L2HGDH: variants seen among roughly 807,000 people sequenced by gnomAD.
L2HGDH encodes L-2-hydroxyglutarate dehydrogenase, mitochondrial.
In L2HGDH, 34 loss-of-function variants were observed where a neutral mutation model predicts 51.5. That is an observed-to-expected ratio of 0.66 (90% CI 0.50 to 0.88). L2HGDH has a LOEUF of 0.88. L2HGDH is among the 40% of genes least tolerant of loss of function. The probability of loss-of-function intolerance (pLI) is 0.00; values close to 1 mark genes in which losing one functional copy is unlikely to be tolerated. For missense variants in L2HGDH, 558 were observed against 571.9 expected (o/e 0.98, Z 0.25); for synonymous variants, 198 against 197.9 (o/e 1.00, Z -0.01).
intron 5 of L2HGDH, among the ~76,000 whole-genome samples, chr14:50,280,702 T>C (rs866166052): frequency 4.6e-5 from 7 of 152,124 alleles, no homozygotes; most frequent in South Asian, 4.1e-4. Context: ...TTAGTAAAGA[T>C]GGGGTCTCGC....
rs2139976523 is a variant in L2HGDH at position 50,267,620 on chromosome 14, G to A, written c.1064+133C>T. 5 of 701,126 alleles carry A rather than the reference G, an allele frequency of 7.1e-6. No homozygotes were observed. In the South Asian group the frequency reaches 7.4e-5, roughly 10 times the overall value. The allele number at this position is 701,126 out of a possible 1,614,324, so 43.4% of individuals were successfully genotyped here. On this transcript the variant is annotated intron_variant, in intron 8 of 9. Transcript: ENST00000267436. ...CATCCACTCCAAAGCTTTTAATTTG[G>A]ATTAATACAACATTCAATATACCAA... is the stretch of plus-strand genomic sequence containing the variant.
chr14:50,268,663 G>A (rs1367969414), intron 7 of L2HGDH, among the ~76,000 whole-genome samples: 2 of 152,182 alleles, frequency 1.3e-5, no homozygotes, highest in Non-Finnish European at 2.9e-5. Context: ...GCCGAATACT[G>A]ACTATTTCAT....
At position 50,246,176 on chromosome 14, in the gene L2HGDH, C is replaced by T. The variant is rs1887985899; in HGVS notation, c.*882G>A. The T allele has an allele frequency of 6.6e-6, 1 of 150,990 alleles. No individual in the cohort carries two copies. Among genetic ancestry groups the T allele is most frequent in the African/African-American group, 2.4e-5 (1 of 41,194 alleles). 9.4% of individuals were successfully genotyped at this position (150,990 alleles called of 1,614,324 possible). On this transcript the variant is annotated 3_prime_UTR_variant, in exon 10 of 10. Transcript: ENST00000267436. ...TTCGGACAGATAAAACTGTACCTTG[C>T]CTCTTTATTCGCAAAGTAAATAAGC...
Position 50,312,104 on chromosome 14 carries a change from C to G in L2HGDH, c.47G>C (p.Arg16Pro). The G allele has an allele frequency of 6.2e-7, 1 of 1,608,342 alleles. No homozygotes were observed. The highest frequency in any genetic ancestry group is 8.5e-7 in the Non-Finnish European group (1 of 1,178,310). The change falls in exon 1 of 10, where the codon CGC becomes CCC. Residue 16 changes from arginine to proline, a missense_variant. Physicochemically the swap from Arg to Pro is moderately radical, Grantham distance 103. Around this residue, in one of 3 missense-constraint regions of L2HGDH, gnomAD observed 194 missense variants for 187.2 expected, o/e 1.04. Coordinates refer to ENST00000267436, the MANE Select transcript of L2HGDH (RefSeq NM_024884.3). The part of the protein sequence containing the change: ...RYLVGACGRA[R>P]GLFAGGSPGA... ...AGGGGAGCCACCGGCGAAAAGCCCG[C>G]GGGCCCGTCCGCAGGCACCAACCAA...
In L2HGDH at chr14:50,302,105, G is replaced by A. The variant is rs531845275; in HGVS notation, c.320C>T (p.Ser107Phe). The A allele has an allele frequency of 1.2e-6, 2 of 1,614,048 alleles. No individual in the cohort carries two copies. The highest frequency in any genetic ancestry group is 1.6e-4 in the Middle Eastern group (1 of 6,062). ...IHSGIYYKPE[S>F]LKAKLCVQGA... The stretch of plus-strand genomic sequence containing the variant: ...TTGTACACATAATTTGGCTTTCAGA[G>A]ACTCAGGTTTATAATAAATTCCACT... Residue 107 changes from serine to phenylalanine, a missense_variant, in exon 3 of 10, where the codon TCT becomes TTT. Ser to Phe is a radical substitution (Grantham distance 155). Transcript: ENST00000267436.
At position 50,242,530 on chromosome 14, in the gene L2HGDH, T is replaced by C. The variant is rs1038860381; in HGVS notation, c.*4528A>G. ...ACAACAACAAACCCACAATACTTTC[T>C]AGGATTTGAGGCCAGAAAAGTAGAG... On this transcript the variant is annotated 3_prime_UTR_variant, in exon 10 of 10. Transcript: ENST00000267436. 3.0e-6 allele frequency: 3 copies of C among 984,120 alleles called. No individual in the cohort carries two copies. The highest frequency in any genetic ancestry group is 3.6e-6 in the Non-Finnish European group (3 of 828,730). The allele number at this position is 984,120 out of a possible 1,614,324, so 61.0% of individuals were successfully genotyped here.
chr14:50,269,013 G>T, intron 7 of L2HGDH, 150 bp downstream of exon 7: 1 of 617,790 alleles, frequency 1.6e-6, no homozygotes, highest in African/African-American at 1.8e-5. Flanking sequence ...AAGATTTAGG[G>T]ATTTAACCAC....
intron 3 of L2HGDH, chr14:50,300,014 T>G (rs1027052440): frequency 3.3e-5 from 5 of 151,970 alleles, no homozygotes; most frequent in Admixed American, 1.3e-4. Context: ...TCTCAAAAAG[T>G]TGAACTCACA....
chr14:50,290,109 C>CA (rs1036415841), intron 4 of L2HGDH, among the ~76,000 whole-genome samples: 9 of 151,380 alleles, frequency 5.9e-5, no homozygotes, highest in African/African-American at 1.2e-4. Context: ...ACTAAAAATA[C>CA]AAAAAAAATT....
At chr14:50,296,162 A>G (rs947387515) in intron 3 of L2HGDH, among the ~76,000 whole-genome samples, 12 of 152,020 alleles carry the variant, frequency 7.9e-5, no homozygotes, top group Admixed American at 7.9e-4. Context: ...GCTTGAGCTC[A>G]GGAGTTCGAG....
At position 50,266,706 on chromosome 14, in the gene L2HGDH, A is replaced by G. The variant is rs1889355504; in HGVS notation, c.1064+1047T>C. Among the ~76,000 whole-genome samples the G allele has an allele frequency of 3.3e-5, 5 of 152,310 alleles. No individual in the cohort carries two copies. In the South Asian group the frequency reaches 8.3e-4, roughly 25 times the overall value. ...CACATATGTATATATTTTTACAACTACATGTGCCAGGAAGCTCCATCCTAA... is the reference window on the plus strand; with the variant it reads ...CACATATGTATATATTTTTACAACTGCATGTGCCAGGAAGCTCCATCCTAA... On this transcript the variant is annotated intron_variant, in intron 8 of 9. Transcript: ENST00000267436.
intron 2 of L2HGDH, 116 bp downstream of exon 2, chr14:50,302,786 G>T: frequency 1.3e-6 from 1 of 793,336 alleles, no homozygotes; most frequent in Non-Finnish European, 2.2e-6. Context: ...CCCACACTCT[G>T]CTTTTAGAAC....
At chr14:50,299,513 C>T (rs1051845946) in intron 3 of L2HGDH, among the ~76,000 whole-genome samples, 8 of 152,116 alleles carry the variant, frequency 5.3e-5, no homozygotes, top group Non-Finnish European at 2.9e-5. Flanking sequence ...GACAAAGACA[C>T]ATCAAAAAAA....
chr14:50,290,113 A>C (rs1167491378), intron 4 of L2HGDH, among the ~76,000 whole-genome samples: 2 of 151,994 alleles, frequency 1.3e-5, no homozygotes, highest in African/African-American at 2.4e-5. Flanking sequence ...AAAATACAAA[A>C]AAAATTAGCC....
intron 9 of L2HGDH, among the ~76,000 whole-genome samples, chr14:50,264,365 C>T (rs1246185029): frequency 6.6e-6 from 1 of 151,996 alleles, no homozygotes; most frequent in Non-Finnish European, 1.5e-5. Flanking sequence ...ACAAGAAGAG[C>T]GAAACTCCAT....
In L2HGDH at chr14:50,302,965, T is replaced by C. The variant is rs1157101378; in HGVS notation, c.193A>G (p.Arg65Gly). The C allele has an allele frequency of 6.2e-7, 1 of 1,613,968 alleles. No homozygotes were observed. The highest frequency in any genetic ancestry group is 1.3e-5 in the African/African-American group (1 of 74,942). Residue 65 changes from arginine to glycine, a missense_variant, in exon 2 of 10, where the codon AGA (arginine) becomes GGA (glycine). Physicochemically the swap from Arg to Gly is moderately radical, Grantham distance 125 (BLOSUM62 -2). Around this residue, in one of 3 missense-constraint regions of L2HGDH, gnomAD observed 194 missense variants for 187.2 expected, o/e 1.04. Transcript: ENST00000267436. ...GATGGATGTCGCAGGATGAGTGCTC[T>C]GGCAGAGGCAAGCCCCACAATTCCG... ...GGGIVGLASA[R>G]ALILRHPSLS...
At chr14:50,278,414 G>T in intron 6 of L2HGDH, 106 bp downstream of exon 6, 4 of 622,148 alleles carry the variant, frequency 6.4e-6, no homozygotes, top group Non-Finnish European at 8.4e-6. Context: ...AATTACATTA[G>T]ACAAATGTCA....
chr14:50,293,109 T>C (rs997508776), intron 4 of L2HGDH: 74 of 647,420 alleles, frequency 1.1e-4, no homozygotes, highest in Middle Eastern at 7.3e-4. Context: ...TAAGAACCCA[T>C]TTAAAAAAAA....
At chr14:50,276,179 C>G (rs970044084) in intron 6 of L2HGDH, among the ~76,000 whole-genome samples, 3 of 152,186 alleles carry the variant, frequency 2.0e-5, no homozygotes, top group African/African-American at 7.2e-5. Context: ...ACTACCTCGA[C>G]CCAAAACAGC....
Sources: gnomAD v4.1 joint callset for allele counts (sites outside exome capture counted in the v4.1 genomes callset) on GRCh38, gnomAD v4.1.1 for gene constraint, gnomAD v4.1.1 regional missense constraint, MANE v1.5 for transcripts, NCBI Gene and HGNC (gene_info 2026-07-23, HGNC 2026-07-21) for gene names.